Variants in CCSER1 observed in about 807,000 individuals in gnomAD.
CCSER1 encodes coiled-coil serine rich protein 1.
In CCSER1, 41 loss-of-function variants were observed where a neutral mutation model predicts 82.0. The ratio of observed to expected loss-of-function variants is 0.50; its 90% CI spans 0.39 to 0.65. CCSER1 has a LOEUF of 0.65. CCSER1 is among the 30% of genes least tolerant of loss of function. CCSER1 has a pLI of 0.00. For missense variants in CCSER1, 1,119 were observed against 1,064.2 expected, an observed-to-expected ratio of 1.05 and a Z score of -0.72; for synonymous variants, 414 against 383.9, an observed-to-expected ratio of 1.08 and a Z score of -0.92.
intron 3 of CCSER1, among the ~76,000 whole-genome samples, chr4:90,382,353 A>G (rs1749333130): frequency 6.6e-6 from 1 of 151,996 alleles, no homozygotes; most frequent in African/African-American, 2.4e-5. Flanking sequence ...GTATATGTCA[A>G]TATTGTGTGT....
intron 9 of CCSER1, among the ~76,000 whole-genome samples, chr4:91,084,828 A>G (rs186544756): frequency 7.9e-5 from 12 of 152,214 alleles, no homozygotes; most frequent in African/African-American, 2.4e-4. Context: ...TTTAGTTAAT[A>G]TGTATGTTCA....
intron 4 of CCSER1, among the ~76,000 whole-genome samples, chr4:90,418,418 T>C (rs1435824460): frequency 6.6e-6 from 1 of 152,014 alleles, no homozygotes; most frequent in Non-Finnish European, 1.5e-5. Flanking sequence ...CCACAGCACA[T>C]GCAACTAATT....
chr4:90,986,716 C>A (rs1012220698), intron 9 of CCSER1, among the ~76,000 whole-genome samples: 2 of 151,746 alleles, frequency 1.3e-5, no homozygotes, highest in African/African-American at 4.8e-5. Context: ...AGTAGAAACA[C>A]TAGCAACTTT....
At chr4:90,576,376 A>G (rs1039829897) in intron 5 of CCSER1, among the ~76,000 whole-genome samples, 1 of 152,158 alleles carries the variant, frequency 6.6e-6, no homozygotes, top group African/African-American at 2.4e-5. Flanking sequence ...TTGACACATC[A>G]TTGTCACCCA....
At position 90,812,680 on chromosome 4, in the gene CCSER1, G is replaced by T. The variant is rs1042832254; in HGVS notation, c.2011-3082G>T. Among the ~76,000 whole-genome samples, 6 of 152,160 alleles carry T rather than the reference G, an allele frequency of 3.9e-5. No individual in the cohort carries two copies. The East Asian group carries it at 9.6e-4, about 24-fold the overall frequency. On this transcript the variant is annotated intron_variant, in intron 7 of 10. Coordinates refer to ENST00000509176, the MANE Select transcript of CCSER1 (RefSeq NM_001145065.2). ...GACTGGGTAATACATAAAACAAAGA[G>T]ATTTAATTGACTCACAATTCTGTGT...
At chr4:90,867,244 C>A (rs1374561570) in intron 8 of CCSER1, among the ~76,000 whole-genome samples, 2 of 152,024 alleles carry the variant, frequency 1.3e-5, no homozygotes, top group Admixed American at 1.3e-4. Flanking sequence ...TTTCTATCCA[C>A]TCACTGTCAG....
At chr4:91,116,933 T>C (rs1337501726) in intron 10 of CCSER1, among the ~76,000 whole-genome samples, 2 of 152,192 alleles carry the variant, frequency 1.3e-5, no homozygotes, top group East Asian at 3.8e-4. Context: ...TCATATTTAG[T>C]AGGCTACTTT....
intron 10 of CCSER1, among the ~76,000 whole-genome samples, chr4:91,566,899 CT>C (rs113596651): frequency 5.1e-4 from 77 of 152,018 alleles, no homozygotes; most frequent in African/African-American, 1.8e-3. Context: ...CAGTTCAGCT[CT>C]GATTTTTATT....
chr4:91,472,416 T>C (rs754116987), intron 10 of CCSER1, among the ~76,000 whole-genome samples: 3 of 152,232 alleles, frequency 2.0e-5, no homozygotes, highest in Non-Finnish European at 2.9e-5. Context: ...TTTACGTTTT[T>C]TTCCCATCGT....
At chr4:91,047,383 T>C (rs1217530664) in intron 9 of CCSER1, among the ~76,000 whole-genome samples, 2 of 152,128 alleles carry the variant, frequency 1.3e-5, no homozygotes, top group African/African-American at 4.8e-5. Context: ...AAATAAATAA[T>C]GTGAAACCCT....
At chr4:90,772,709 T>C (rs567412675) in intron 7 of CCSER1, among the ~76,000 whole-genome samples, 2 of 152,310 alleles carry the variant, frequency 1.3e-5, no homozygotes, top group South Asian at 2.1e-4. Flanking sequence ...AGAACTACTG[T>C]GACTTGTCTG....
chr4:90,308,679 CAG>C lies in CCSER1; in HGVS notation c.398_399del (p.Glu133GlyfsTer3). 6.2e-7 allele frequency: 1 copy of C among 1,613,470 alleles called. No individual in the cohort carries two copies. Among genetic ancestry groups the C allele is most frequent in the Non-Finnish European group, 8.5e-7 (1 of 1,179,736 alleles). On this transcript the variant is annotated frameshift_variant, in exon 2 of 11. Coordinates refer to ENST00000509176, the MANE Select transcript of CCSER1 (RefSeq NM_001145065.2). LOFTEE classifies it high-confidence loss of function. ...AATAAGAAGATAACAAGATCTTTGA[CAG>C]AGGATTTTGAAAGGGAAAAAGAGCA...
At chr4:90,633,739 C>G (rs983070903) in intron 6 of CCSER1, among the ~76,000 whole-genome samples, 7 of 151,948 alleles carry the variant, frequency 4.6e-5, no homozygotes, top group African/African-American at 1.4e-4. Context: ...TTTGGCTGAG[C>G]TTACCGTTTT....
intron 10 of CCSER1, among the ~76,000 whole-genome samples, chr4:91,365,745 A>G (rs1467828842): frequency 6.6e-6 from 1 of 152,170 alleles, no homozygotes; most frequent in African/African-American, 2.4e-5. Context: ...TGTGACAGGG[A>G]TGAAGTGGCG....
In CCSER1 at chr4:91,320,141, A is replaced by G. The variant is rs571321724; in HGVS notation, c.2217+234147A>G. 8.5e-5 allele frequency among the ~76,000 whole-genome samples: 13 copies of G among 152,126 alleles called. No individual in the cohort carries two copies. The East Asian group carries it at 2.5e-3, about 30-fold the overall frequency. Reference sequence around the variant, plus strand: ...ATTCAGATCACTGTTATTTGACTTAATAATGGTCCCAAAGTGCAAGAGTAG... The same window carrying G: ...ATTCAGATCACTGTTATTTGACTTAGTAATGGTCCCAAAGTGCAAGAGTAG... On this transcript the variant is annotated intron_variant, in intron 10 of 10. Coordinates refer to ENST00000509176, the MANE Select transcript of CCSER1 (RefSeq NM_001145065.2).
chr4:90,525,899 A>G (rs552596310), intron 5 of CCSER1, among the ~76,000 whole-genome samples: 244 of 152,228 alleles, frequency 1.6e-3, no homozygotes, highest in Middle Eastern at 0.01. Flanking sequence ...CTCAGCCTTC[A>G]TAACTTCTGG....
chr4:90,148,155 A>G (rs551062768), intron 1 of CCSER1, among the ~76,000 whole-genome samples: 1 of 152,304 alleles, frequency 6.6e-6, no homozygotes, highest in East Asian at 1.9e-4. Flanking sequence ...ATACAGCAAT[A>G]CCCTGTCTCA....
chr4:91,080,573 G>A (rs1722594854), intron 9 of CCSER1, among the ~76,000 whole-genome samples: 1 of 152,162 alleles, frequency 6.6e-6, no homozygotes, highest in Non-Finnish European at 1.5e-5. Flanking sequence ...GATCAGAGCA[G>A]AACTGAAGGA....
intron 8 of CCSER1, among the ~76,000 whole-genome samples, chr4:90,879,690 G>A (rs1720999591): frequency 6.8e-6 from 1 of 147,852 alleles, no homozygotes; most frequent in Non-Finnish European, 1.5e-5. Context: ...AGAAGAAGAG[G>A]AAGAAGAAGA....
Sources: allele counts gnomAD v4.1 joint callset (sites outside exome capture counted in the v4.1 genomes callset), GRCh38; gene constraint gnomAD v4.1.1; transcripts MANE v1.5; gene names NCBI Gene and HGNC (gene_info 2026-07-23, HGNC 2026-07-21).